Variants in NACAD observed in about 807,000 individuals in gnomAD.
The protein encoded by NACAD is NAC-alpha domain-containing protein 1.
Under a neutral mutation model 98.9 loss-of-function variants are expected in NACAD, and 47 were observed. The ratio of observed to expected loss-of-function variants is 0.48; its 90% confidence interval spans 0.38 to 0.61. The LOEUF (loss-of-function observed/expected upper bound fraction) is 0.61, where lower values mean the gene tolerates loss of function less well. Among genes scored for constraint, NACAD ranks in the 20% least tolerant of loss-of-function variants. NACAD has a pLI of 0.00. For missense variants in NACAD, 1,412 were observed against 1,748.2 expected (o/e 0.81, Z 3.43); for synonymous variants, 696 against 767.2 (o/e 0.91, Z 1.53).
chr7:45,088,788 G>T lies in NACAD; in HGVS notation c.67+40C>A. On this transcript the variant is annotated intron_variant, in intron 1 of 7. Transcript: ENST00000490531. The surrounding 1 kb of genome is among the most constrained non-coding windows in gnomAD (Gnocchi z 5.7). ...GGAAAGAGAACCCGGGCTGGAGAGG[G>T]GAGAGGCTGAAGGCAGGGAAAGAGT... The T allele has an allele frequency of 1.4e-6, 2 of 1,457,954 alleles. No homozygotes were observed. The highest frequency in any genetic ancestry group is 1.8e-6 in the Non-Finnish European group (2 of 1,103,162). The allele number at this position is 1,457,954 out of a possible 1,614,324, so 90.3% of individuals were successfully genotyped here.
In NACAD at chr7:45,082,856, A is replaced by G; in HGVS notation, c.3324T>C (p.Pro1108=). The change falls in exon 2 of 8, where the codon CCT becomes CCC. Residue 1108 remains proline, a synonymous_variant. Transcript: ENST00000490531. The surrounding 1 kb of genome is among the most constrained non-coding windows in gnomAD (Gnocchi z 4.5). Reference sequence around the variant, plus strand: ...CCTGGCTGACCTCAGGGCAGGCAGCAGGAGGCGCATCGGGGACCTCCCTTG... The same window carrying G: ...CCTGGCTGACCTCAGGGCAGGCAGCGGGAGGCGCATCGGGGACCTCCCTTG... The part of the protein sequence containing the change: ...GGAREVPDAP[P]AACPEVSQAR... The G allele has an allele frequency of 6.5e-7, 1 of 1,550,254 alleles. No homozygotes were observed. Among genetic ancestry groups the G allele is most frequent in the Non-Finnish European group, 8.7e-7 (1 of 1,146,890 alleles).
intron 4 of NACAD, 76 bp downstream of exon 4, chr7:45,081,525 T>C: frequency 1.3e-6 from 2 of 1,512,278 alleles, no homozygotes; most frequent in Non-Finnish European, 1.8e-6. Context: ...AGCCATGGAG[T>C]GTGAGGGTCT....
chr7:45,083,135 T>G lies in NACAD; in HGVS notation c.3045A>C (p.Ala1015=). ...PAAEAGTPWA[A]QEDADSTLGM... is the part of the protein sequence containing the mutation. ...CCAAAGTGGAATCCGCATCTTCCTGTGCGGCCCAAGGTGTCCCAGCTTCTG... is the reference window on the plus strand; with the variant it reads ...CCAAAGTGGAATCCGCATCTTCCTGGGCGGCCCAAGGTGTCCCAGCTTCTG... Residue 1015 remains alanine, a synonymous_variant, in exon 2 of 8, where the codon GCA becomes GCC. Transcript: ENST00000490531. 6.4e-7 allele frequency: 1 copy of G among 1,550,806 alleles called. No homozygotes were observed. Among genetic ancestry groups the G allele is most frequent in the East Asian group, 2.4e-5 (1 of 40,924 alleles).
At position 45,085,545 on chromosome 7, in the gene NACAD, G is replaced by A. The variant is rs1298864837; in HGVS notation, c.635C>T (p.Pro212Leu). The A allele has an allele frequency of 2.6e-6, 4 of 1,550,264 alleles. No homozygotes were observed. The highest frequency in any genetic ancestry group is 2.7e-5 in the African/African-American group (2 of 73,034). The change falls in exon 2 of 8, where the codon CCC becomes CTC. Residue 212 changes from proline (P) to leucine (L), a missense_variant. Coordinates refer to ENST00000490531, the MANE Select transcript of NACAD (RefSeq NM_001146334.2). This position sits in a 1 kb window ranked among gnomAD's most constrained non-coding sequence, Gnocchi z 6.1. ...AELRDELLDS[P>L]PASPSGSYIT... ...GTAGGAGCCCGAGGGTGAGGCGGGG[G>A]GCGAGTCCAGCAGCTCATCCCGCAG...
In NACAD at chr7:45,082,485, G is replaced by A; in HGVS notation, c.3695C>T (p.Pro1232Leu). 6.5e-7 allele frequency: 1 copy of A among 1,549,630 alleles called. No homozygotes were observed. Among genetic ancestry groups the A allele is most frequent in the Non-Finnish European group, 8.7e-7 (1 of 1,146,866 alleles). Reference sequence around the variant, plus strand: ...TAGGGCTGCCCCAGCAAGGGTACCAGGAGCAGAAGGGTCAGGGCCCAGGGG... The same window carrying A: ...TAGGGCTGCCCCAGCAAGGGTACCAAGAGCAGAAGGGTCAGGGCCCAGGGG... ...DRPLGPDPSA[P>L]GTLAGAALPP... The change falls in exon 2 of 8, where the codon CCT becomes CTT. Residue 1232 changes from proline to leucine, a missense_variant. By Grantham distance (98) the Pro-to-Leu change is moderately conservative. This residue lies in a region of NACAD where 572 missense variants were observed against 639.6 expected (regional missense o/e 0.89). Coordinates refer to ENST00000490531, the MANE Select transcript of NACAD (RefSeq NM_001146334.2). The surrounding 1 kb of genome is among the most constrained non-coding windows in gnomAD (Gnocchi z 4.5).
chr7:45,080,557 C>T (rs1784412537), intron 7 of NACAD, 34 bp from the exon 8 acceptor site: 8 of 1,551,438 alleles, frequency 5.2e-6, no homozygotes, highest in Non-Finnish European at 6.1e-6. Flanking sequence ...GGGGGAAGCA[C>T]CCCGCAGTGG....
chr7:45,082,206 G>C lies in NACAD; in HGVS notation c.3974C>G (p.Pro1325Arg). 1 of 1,536,518 alleles carries C rather than the reference G, an allele frequency of 6.5e-7. No homozygotes were observed. The highest frequency in any genetic ancestry group is 8.8e-7 in the Non-Finnish European group (1 of 1,138,650). Reference sequence around the variant, plus strand: ...CCCAGAGGGAGGAGGCACTTGGCAAGGCGGCAAGATCTGCAAGGCCAGGTC... The same window carrying C: ...CCCAGAGGGAGGAGGCACTTGGCAACGCGGCAAGATCTGCAAGGCCAGGTC... ...AKDLALQILPPCQVPPPSGPQ... is the reference protein window; with the variant it reads ...AKDLALQILPRCQVPPPSGPQ... The change falls in exon 2 of 8, where the codon CCT becomes CGT. Residue 1325 changes from proline to arginine, a missense_variant. This residue lies in a region of NACAD where 572 missense variants were observed against 639.6 expected (regional missense o/e 0.89). Transcript: ENST00000490531. This position sits in a 1 kb window ranked among gnomAD's most constrained non-coding sequence, Gnocchi z 4.5.
At chr7:45,087,049 C>T (rs538589232) in intron 1 of NACAD, among the ~76,000 whole-genome samples, 1 of 152,306 alleles carries the variant, frequency 6.6e-6, no homozygotes, top group South Asian at 2.1e-4. Flanking sequence ...CTCTGGTACT[C>T]AGTAAACGTC....
In NACAD at chr7:45,085,542, G is replaced by C; in HGVS notation, c.638C>G (p.Pro213Arg). The C allele has an allele frequency of 6.4e-7, 1 of 1,550,402 alleles. No homozygotes were observed. Among genetic ancestry groups the C allele is most frequent in the Non-Finnish European group, 8.7e-7 (1 of 1,146,888 alleles). ...AATGTAGGAGCCCGAGGGTGAGGCG[G>C]GGGGCGAGTCCAGCAGCTCATCCCG... ...ELRDELLDSP[P>R]ASPSGSYITA... The change falls in exon 2 of 8, where the codon CCC becomes CGC. Residue 213 changes from proline (P) to arginine (R), a missense_variant. By Grantham distance (103) the Pro-to-Arg change is moderately radical (BLOSUM62 -2). Around this residue, in one of 5 missense-constraint regions of NACAD, gnomAD observed 638 missense variants for 722.7 expected, o/e 0.88. Transcript: ENST00000490531. This position sits in a 1 kb window ranked among gnomAD's most constrained non-coding sequence, Gnocchi z 6.1.
intron 7 of NACAD, 41 bp from the exon 8 acceptor site, chr7:45,080,564 G>T: frequency 1.3e-6 from 2 of 1,551,462 alleles, no homozygotes; most frequent in Non-Finnish European, 1.7e-6. Context: ...GCACCCCGCA[G>T]TGGAGCCAAC....
At chr7:45,081,972 G>C in intron 2 of NACAD, 105 bp from the exon 3 acceptor site, 1 of 1,441,158 alleles carries the variant, frequency 6.9e-7, no homozygotes, top group Non-Finnish European at 9.3e-7. Flanking sequence ...AGGAAGCAGT[G>C]CCAGCTCTCC....
At position 45,084,319 on chromosome 7, in the gene NACAD, C is replaced by A; in HGVS notation, c.1861G>T (p.Ala621Ser). ...TGCTGGGACACAATCGTGGCTGCAGCCACAGGCTTTGGGGCTGATGAGAGA... is the reference window on the plus strand; with the variant it reads ...TGCTGGGACACAATCGTGGCTGCAGACACAGGCTTTGGGGCTGATGAGAGA... ...TDLSSAPKPV[A>S]AATIVSQQAE... The change falls in exon 2 of 8, where the codon GCT (alanine) becomes TCT (serine). Residue 621 changes from alanine (A) to serine (S), a missense_variant. Ala to Ser is a moderately conservative substitution (Grantham distance 99, BLOSUM62 1). This residue lies in a region of NACAD where 72 missense variants were observed against 198.0 expected (regional missense o/e 0.36). Transcript: ENST00000490531. 2 of 1,403,074 alleles carry A rather than the reference C, an allele frequency of 1.4e-6. No homozygotes were observed. Among genetic ancestry groups the A allele is most frequent in the Non-Finnish European group, 9.5e-7 (1 of 1,057,818 alleles). The allele number at this position is 1,403,074 out of a possible 1,614,324, so 86.9% of individuals were successfully genotyped here. A position where few individuals can be genotyped will look rare whatever the true frequency, so the allele number is the denominator to read the frequency against.
At chr7:45,081,306 C>A (rs757448674) in intron 4 of NACAD, 43 bp from the exon 5 acceptor site, 4 of 1,544,256 alleles carry the variant, frequency 2.6e-6, no homozygotes, top group Non-Finnish European at 8.7e-7. Context: ...TGGTGTTGAC[C>A]CACGTCGGGG....
In NACAD at chr7:45,084,301, A is replaced by G. The variant is rs1485996068; in HGVS notation, c.1879T>C (p.Ser627Pro). 1.3e-5 allele frequency: 17 copies of G among 1,347,080 alleles called. No individual in the cohort carries two copies. The highest frequency in any genetic ancestry group is 6.2e-5 in the African/African-American group (3 of 48,186). The allele number at this position is 1,347,080 out of a possible 1,614,324, so 83.4% of individuals were successfully genotyped here. The part of the protein sequence containing the change: ...PKPVAAATIV[S>P]QQAEEGLTLP... ...GTGAGGCCCTCTTCAGCCTGCTGGG[A>G]CACAATCGTGGCTGCAGCCACAGGC... is the stretch of plus-strand genomic sequence containing the variant. Residue 627 changes from serine to proline, a missense_variant, in exon 2 of 8, where the codon TCC becomes CCC. Around this residue, in one of 5 missense-constraint regions of NACAD, gnomAD observed 72 missense variants for 198.0 expected, o/e 0.36. Transcript: ENST00000490531.
Position 45,085,042 on chromosome 7 carries a change from A to G in NACAD, c.1138T>C (p.Phe380Leu). Residue 380 changes from phenylalanine (F) to leucine (L), a missense_variant, in exon 2 of 8, where the codon TTC becomes CTC. Phe to Leu is a conservative substitution (Grantham distance 22, BLOSUM62 0). Around this residue, in one of 5 missense-constraint regions of NACAD, gnomAD observed 638 missense variants for 722.7 expected, o/e 0.88. Transcript: ENST00000490531. The surrounding 1 kb of genome is among the most constrained non-coding windows in gnomAD (Gnocchi z 6.1). Reference protein sequence around the residue: ...ITEGMDEAFAFRDDTSAASSD... With the variant: ...ITEGMDEAFALRDDTSAASSD... Reference sequence around the variant, plus strand: ...GAGGCTGCAGAGGTGTCGTCCCGGAAGGCAAAAGCCTCGTCCATGCCCTCC... The same window carrying G: ...GAGGCTGCAGAGGTGTCGTCCCGGAGGGCAAAAGCCTCGTCCATGCCCTCC... The G allele has an allele frequency of 6.4e-7, 1 of 1,550,942 alleles. No homozygotes were observed. Among genetic ancestry groups the G allele is most frequent in the Non-Finnish European group, 8.7e-7 (1 of 1,146,868 alleles).
chr7:45,088,728 AG>A lies in NACAD; in HGVS notation c.67+99del. On this transcript the variant is annotated intron_variant, in intron 1 of 7. Transcript: ENST00000490531. This position sits in a 1 kb window ranked among gnomAD's most constrained non-coding sequence, Gnocchi z 5.7. ...AAGGGGAGGGGACTCGAGGGGGGCC[AG>A]GGGGATGGGGGAGAGGGGTGAAAGG... 1 of 781,060 alleles carries A rather than the reference AG, an allele frequency of 1.3e-6. No individual in the cohort carries two copies. The highest frequency in any genetic ancestry group is 1.6e-6 in the Non-Finnish European group (1 of 623,550). 48.4% of individuals were successfully genotyped at this position (781,060 alleles called of 1,614,324 possible).
rs1584009569 is a variant in NACAD at position 45,082,508 on chromosome 7, G to A, written c.3672C>T (p.Pro1224=). The A allele has an allele frequency of 6.5e-7, 1 of 1,549,738 alleles. No homozygotes were observed. The highest frequency in any genetic ancestry group is 8.7e-7 in the Non-Finnish European group (1 of 1,146,852). ...CAGGAGCAGAAGGGTCAGGGCCCAG[G>A]GGCCTGTCCACGGGCGTGCTGGGCT... is the stretch of plus-strand genomic sequence containing the variant. The part of the protein sequence containing the change: ...KGQPSTPVDR[P]LGPDPSAPGT... The change falls in exon 2 of 8, where the codon CCC becomes CCT. Residue 1224 remains proline, a synonymous_variant. Coordinates refer to ENST00000490531, the MANE Select transcript of NACAD (RefSeq NM_001146334.2). This position sits in a 1 kb window ranked among gnomAD's most constrained non-coding sequence, Gnocchi z 4.5.
At position 45,082,923 on chromosome 7, in the gene NACAD, G is replaced by A. The variant is rs569892030; in HGVS notation, c.3257C>T (p.Pro1086Leu). The A allele has an allele frequency of 5.2e-6, 8 of 1,551,086 alleles. No individual in the cohort carries two copies. The South Asian group carries it at 9.5e-5, about 18-fold the overall frequency. ...CCTGGGTCCATGTTCCTGTGCCAGT[G>A]GCTTCAGGCCTCCTTCCTGCTGGTT... ...VENQQEGGLK[P>L]LAQEHGPRSA... The change falls in exon 2 of 8, where the codon CCA (proline) becomes CTA (leucine). Residue 1086 changes from proline (P) to leucine (L), a missense_variant. Pro to Leu is a moderately conservative substitution (Grantham distance 98). Around this residue, in one of 5 missense-constraint regions of NACAD, gnomAD observed 572 missense variants for 639.6 expected, o/e 0.89. Transcript: ENST00000490531. The surrounding 1 kb of genome is among the most constrained non-coding windows in gnomAD (Gnocchi z 4.5).
rs992255258 is a variant in NACAD at position 45,082,760 on chromosome 7, G to T, written c.3420C>A (p.Pro1140=). ...GACTGGCCTCTGTGGCCACAGCTGA[G>T]GGAAGCGTGGGCTCCGGGGTGGACT... The part of the protein sequence containing the change: ...SGKSTPEPTL[P]SAVATEASLD... Residue 1140 remains proline (P), a synonymous_variant, in exon 2 of 8, where the codon CCC becomes CCA. Coordinates refer to ENST00000490531, the MANE Select transcript of NACAD (RefSeq NM_001146334.2). The surrounding 1 kb of genome is among the most constrained non-coding windows in gnomAD (Gnocchi z 4.5). 2 of 1,548,298 alleles carry T rather than the reference G, an allele frequency of 1.3e-6. No individual in the cohort carries two copies. Among genetic ancestry groups the T allele is most frequent in the Non-Finnish European group, 1.7e-6 (2 of 1,145,818 alleles).
Sources: gnomAD v4.1 joint callset for allele counts (sites outside exome capture counted in the v4.1 genomes callset) on GRCh38, gnomAD v4.1.1 for gene constraint, gnomAD v4.1.1 regional missense constraint, Gnocchi (gnomAD v3.1) non-coding constraint, MANE v1.5 for transcripts, NCBI Gene and HGNC (gene_info 2026-07-23, HGNC 2026-07-21) for gene names.